Variants in SLC39A11 observed in about 807,000 individuals in gnomAD.
SLC39A11 encodes the protein solute carrier family 39 member 11.
Under a neutral mutation model 36.1 loss-of-function variants are expected in SLC39A11, and 33 were observed. That is an observed-to-expected ratio of 0.91 (90% confidence interval 0.69 to 1.22). The LOEUF (loss-of-function observed/expected upper bound fraction) is 1.22, where lower values mean the gene tolerates loss of function less well. SLC39A11 is among the 50% of genes most tolerant of loss of function. The pLI is 0.00. For missense variants in SLC39A11, 432 were observed against 430.3 expected (o/e 1.00, Z -0.03); for synonymous variants, 166 against 170.3 (o/e 0.97, Z 0.20).
intron 3 of SLC39A11, among the ~76,000 whole-genome samples, chr17:73,037,556 G>A (rs1363475184): frequency 1.3e-5 from 2 of 152,234 alleles, no homozygotes; most frequent in Non-Finnish European, 2.9e-5. Flanking sequence ...CCGGATGGTA[G>A]AGAACAAAAG....
At chr17:73,026,999 G>A (rs2058580052) in intron 4 of SLC39A11, among the ~76,000 whole-genome samples, 1 of 152,144 alleles carries the variant, frequency 6.6e-6, no homozygotes. Context: ...GCACACGCCT[G>A]TGGTTCCAGC....
At chr17:72,825,627 GA>G (rs1323011016) in intron 6 of SLC39A11, among the ~76,000 whole-genome samples, 1 of 152,242 alleles carries the variant, frequency 6.6e-6, no homozygotes, top group African/African-American at 2.4e-5. Context: ...CATGAGCCTG[GA>G]AAAGCAGCCA....
Position 72,940,999 on chromosome 17 carries a change from A to G in SLC39A11, c.430+6753T>C, listed in dbSNP as rs548838221. On this transcript the variant is annotated intron_variant, in intron 5 of 9. Coordinates refer to ENST00000255559, the MANE Select transcript of SLC39A11 (RefSeq NM_139177.4). ...CCTTATAAGAAAAGGAGATTGGGAC[A>G]CCGACAGGCACAGAGGAAAGACCAC... 1.8e-4 allele frequency among the ~76,000 whole-genome samples: 28 copies of G among 152,328 alleles called. No homozygotes were observed. The South Asian group carries it at 5.6e-3, about 30-fold the overall frequency.
At chr17:73,060,731 T>C (rs1406786238) in intron 3 of SLC39A11, among the ~76,000 whole-genome samples, 1 of 152,194 alleles carries the variant, frequency 6.6e-6, no homozygotes, top group Non-Finnish European at 1.5e-5. Context: ...ATGCTGAACC[T>C]TCTTTGAATT....
chr17:72,654,273 G>T (rs954929916), intron 7 of SLC39A11, among the ~76,000 whole-genome samples: 3 of 152,164 alleles, frequency 2.0e-5, no homozygotes, highest in Non-Finnish European at 4.4e-5. Flanking sequence ...GGAGTTAATG[G>T]CCTCACTTCT....
At chr17:72,979,970 T>A (rs1568061363) in intron 4 of SLC39A11, among the ~76,000 whole-genome samples, 1 of 152,134 alleles carries the variant, frequency 6.6e-6, no homozygotes, top group Non-Finnish European at 1.5e-5. Context: ...CACGACTTGC[T>A]GCTGGATCCA....
At chr17:72,767,448 C>T (rs60722752) in intron 6 of SLC39A11, among the ~76,000 whole-genome samples, 2,620 of 152,278 alleles carry the variant, frequency 0.017, 72 homozygotes, top group African/African-American at 0.059. Flanking sequence ...CAAAGCAGTG[C>T]CTGCCCTTTG....
intron 3 of SLC39A11, among the ~76,000 whole-genome samples, chr17:73,080,955 A>AAAT (rs1568241369): frequency 0.012 from 1,734 of 147,010 alleles, 13 homozygotes; most frequent in South Asian, 0.029. Context: ...AAAAAACAAT[A>AAAT]AAATAAATAA....
chr17:73,008,025 C>T (rs1332152786), intron 4 of SLC39A11, among the ~76,000 whole-genome samples: 2 of 151,678 alleles, frequency 1.3e-5, no homozygotes, highest in African/African-American at 4.8e-5. Flanking sequence ...ATCACTTGAA[C>T]CTAGGAGGTA....
At chr17:72,850,359 T>TGGGA (rs1238985456) in intron 5 of SLC39A11, among the ~76,000 whole-genome samples, 1 of 151,170 alleles carries the variant, frequency 6.6e-6, no homozygotes, top group Non-Finnish European at 1.5e-5. Context: ...GAGGCTGAGA[T>TGGGA]GGGAGGATGG....
chr17:72,933,299 T>G (rs1009210900), intron 5 of SLC39A11, among the ~76,000 whole-genome samples: 1 of 152,120 alleles, frequency 6.6e-6, no homozygotes, highest in Non-Finnish European at 1.5e-5. Context: ...AATTAGAAAT[T>G]TAAAATACAG....
chr17:73,028,843 C>T (rs1396212894), intron 4 of SLC39A11, among the ~76,000 whole-genome samples: 1 of 150,120 alleles, frequency 6.7e-6, no homozygotes, highest in African/African-American at 2.4e-5. Context: ...TGCAGCCGGG[C>T]ACGGTGGCTC....
chr17:72,647,764 C>T (rs989875391), intron 9 of SLC39A11, 102 bp from the exon 10 acceptor site: 33 of 852,438 alleles, frequency 3.9e-5, no homozygotes, highest in Non-Finnish European at 5.7e-5. Flanking sequence ...AGAGAAAGCA[C>T]ACTACCATTA....
intron 7 of SLC39A11, among the ~76,000 whole-genome samples, chr17:72,691,115 CT>C (rs551798503): frequency 4.8e-4 from 73 of 152,238 alleles, no homozygotes; most frequent in African/African-American, 1.6e-3. Flanking sequence ...GGTGGGGGAC[CT>C]CCTGGGAGCT....
chr17:72,837,840 G>T, intron 6 of SLC39A11: 1 of 814,946 alleles, frequency 1.2e-6, no homozygotes, highest in South Asian at 6.6e-5. Context: ...GTCCCGGTTA[G>T]GGAAACTGTA....
intron 2 of SLC39A11, 34 bp downstream of exon 2, chr17:73,088,623 C>A: frequency 1.9e-6 from 3 of 1,573,606 alleles, no homozygotes; most frequent in East Asian, 2.3e-5. Flanking sequence ...ACGGGCTCCC[C>A]ACCAACATCC....
At chr17:72,802,890 C>G (rs746740235) in intron 6 of SLC39A11, among the ~76,000 whole-genome samples, 7 of 152,154 alleles carry the variant, frequency 4.6e-5, no homozygotes, top group Admixed American at 2.0e-4. Flanking sequence ...CCCCATCGCA[C>G]ACGACTGGGA....
chr17:73,019,573 G>A (rs531506847), intron 4 of SLC39A11, among the ~76,000 whole-genome samples: 2 of 152,208 alleles, frequency 1.3e-5, no homozygotes, highest in East Asian at 3.9e-4. Context: ...ATAAGTTAAG[G>A]AAACTGTAAT....
intron 4 of SLC39A11, among the ~76,000 whole-genome samples, chr17:72,970,433 C>T (rs2087353604): frequency 6.6e-6 from 1 of 152,204 alleles, no homozygotes; most frequent in Admixed American, 6.5e-5. Context: ...CACACCAACA[C>T]GGGTTTCCCT....
Sources: gnomAD v4.1 joint callset for allele counts (sites outside exome capture counted in the v4.1 genomes callset) on GRCh38, gnomAD v4.1.1 for gene constraint, MANE v1.5 for transcripts, NCBI Gene and HGNC (gene_info 2026-07-23, HGNC 2026-07-21) for gene names.